PTPRD: variants seen among roughly 807,000 people sequenced by gnomAD.
The protein encoded by PTPRD is protein tyrosine phosphatase receptor type D.
A neutral mutation model predicts 214.5 loss-of-function variants in PTPRD; 34 were observed. The observed-to-expected ratio is 0.16, with a 90% CI of 0.12 to 0.21. The LOEUF is 0.21. PTPRD is among the 10% of genes least tolerant of loss of function. The pLI, the probability that PTPRD is intolerant of heterozygous loss-of-function variation, is 1.00. For synonymous variants in PTPRD, 1,128 were observed against 845.7 expected (o/e 1.33, Z -5.79); for missense variants, 2,545 against 2,398.7 (o/e 1.06, Z -1.27).
intron 8 of PTPRD, among the ~76,000 whole-genome samples, chr9:9,459,543 T>C (rs1317413343): frequency 6.6e-6 from 1 of 152,100 alleles, no homozygotes; most frequent in African/African-American, 2.4e-5. Flanking sequence ...ATCAATTCCA[T>C]TTCTGTACAT....
At position 8,749,289 on chromosome 9, in the gene PTPRD, T is replaced by A. The variant is rs116704725; in HGVS notation, c.-103-15343A>T. 2.9e-3 allele frequency among the ~76,000 whole-genome samples: 447 copies of A among 152,242 alleles called. 2 individuals are homozygous for A. The highest frequency in any genetic ancestry group is 9.7e-3 in the African/African-American group (403 of 41,560). On this transcript the variant is annotated intron_variant, in intron 11 of 45. Coordinates refer to ENST00000381196, the MANE Select transcript of PTPRD (RefSeq NM_002839.4). ...TTCCGCCTCCGGGTTCAAGCAATTCTACATTCTCGTGTCTCATCTCCCTGA... is the reference window on the plus strand; with the variant it reads ...TTCCGCCTCCGGGTTCAAGCAATTCAACATTCTCGTGTCTCATCTCCCTGA...
intron 9 of PTPRD, among the ~76,000 whole-genome samples, chr9:9,268,015 A>C (rs1292221300): frequency 6.6e-6 from 1 of 151,180 alleles, no homozygotes; most frequent in East Asian, 2.0e-4. Flanking sequence ...ATAAAACTGG[A>C]AGTTCTTGCC....
chr9:8,347,518 C>T (rs947751110), intron 39 of PTPRD, among the ~76,000 whole-genome samples: 4 of 152,062 alleles, frequency 2.6e-5, no homozygotes, highest in East Asian at 1.9e-4. Flanking sequence ...TCTCAAGCGG[C>T]GCTGTGAGGC....
At chr9:8,441,719 A>G (rs1407763385) in intron 34 of PTPRD, among the ~76,000 whole-genome samples, 1 of 152,088 alleles carries the variant, frequency 6.6e-6, no homozygotes, top group South Asian at 2.1e-4. Flanking sequence ...CTATGGGTTC[A>G]TCTACCTCCC....
intron 8 of PTPRD, among the ~76,000 whole-genome samples, chr9:9,531,649 G>T (rs906723433): frequency 6.4e-4 from 97 of 152,024 alleles, no homozygotes; most frequent in African/African-American, 2.3e-3. Context: ...GTTATATTTT[G>T]TTTATCAATT....
intron 8 of PTPRD, among the ~76,000 whole-genome samples, chr9:9,427,058 A>G (rs112249518): frequency 1.3e-5 from 2 of 152,342 alleles, no homozygotes; most frequent in African/African-American, 4.8e-5. Context: ...TGAACGGAGA[A>G]TGACTGACAA....
intron 36 of PTPRD, among the ~76,000 whole-genome samples, chr9:8,396,783 C>G (rs982293720): frequency 2.0e-5 from 3 of 152,134 alleles, no homozygotes; most frequent in African/African-American, 7.2e-5. Context: ...TTACACAGCT[C>G]TAATTAGACA....
intron 9 of PTPRD, among the ~76,000 whole-genome samples, chr9:9,239,332 G>C (rs1181208593): frequency 6.6e-6 from 1 of 152,072 alleles, no homozygotes; most frequent in Admixed American, 6.6e-5. Context: ...TATAAAAGTA[G>C]GAATGTCTTC....
chr9:8,820,131 TTCTA>T (rs1226750829), intron 11 of PTPRD, among the ~76,000 whole-genome samples: 1 of 152,130 alleles, frequency 6.6e-6, no homozygotes, highest in Non-Finnish European at 1.5e-5. Context: ...TGCTAACACT[TTCTA>T]TATATACATA....
intron 3 of PTPRD, among the ~76,000 whole-genome samples, chr9:10,227,513 C>A (rs940244651): frequency 6.6e-6 from 1 of 151,902 alleles, no homozygotes; most frequent in African/African-American, 2.4e-5. Context: ...CAAGGTTTGG[C>A]TCAAAAATCA....
At chr9:8,908,316 G>T (rs568362069) in intron 11 of PTPRD, among the ~76,000 whole-genome samples, 1 of 152,224 alleles carries the variant, frequency 6.6e-6, no homozygotes, top group East Asian at 1.9e-4. Flanking sequence ...CAGGCTGAAA[G>T]AAAATGACAT....
At chr9:10,100,674 A>G (rs1297843142) in intron 3 of PTPRD, among the ~76,000 whole-genome samples, 2 of 151,678 alleles carry the variant, frequency 1.3e-5, no homozygotes, top group Non-Finnish European at 3.0e-5. Context: ...AAATATATAC[A>G]TGTTGGAGCG....
rs572417853 is a variant in PTPRD at position 9,583,319 on chromosome 9, T to C, written c.-286-8538A>G. ...TCCTTATGTTTAATATTTTGACTCTTAGGCATTACTACTCAGAAAAATGCC... is the reference window on the plus strand; with the variant it reads ...TCCTTATGTTTAATATTTTGACTCTCAGGCATTACTACTCAGAAAAATGCC... On this transcript the variant is annotated intron_variant, in intron 7 of 45. Transcript: ENST00000381196. 1.1e-4 allele frequency among the ~76,000 whole-genome samples: 16 copies of C among 152,162 alleles called. No homozygotes were observed. The South Asian group carries it at 3.1e-3, about 30-fold the overall frequency.
At chr9:8,794,009 CT>C (rs2096324885) in intron 11 of PTPRD, among the ~76,000 whole-genome samples, 1 of 152,162 alleles carries the variant, frequency 6.6e-6, no homozygotes, top group Admixed American at 6.5e-5. Context: ...ATATAGAGTA[CT>C]AGGAAACTAA....
chr9:8,934,167 T>C (rs773051939), intron 11 of PTPRD, among the ~76,000 whole-genome samples: 39 of 151,474 alleles, frequency 2.6e-4, no homozygotes, highest in African/African-American at 8.5e-4. Context: ...TAAACACTTG[T>C]TGATTGAGAA....
chr9:9,185,604 T>C (rs1477211001), intron 9 of PTPRD, among the ~76,000 whole-genome samples: 1 of 152,090 alleles, frequency 6.6e-6, no homozygotes, highest in Non-Finnish European at 1.5e-5. Flanking sequence ...TTCTGAGGAA[T>C]GAAGAGGAAA....
At position 10,020,457 on chromosome 9, in the gene PTPRD, C is replaced by G. The variant is rs527833085; in HGVS notation, c.-472+13261G>C. Among the ~76,000 whole-genome samples, 4 of 105,930 alleles carry G rather than the reference C, an allele frequency of 3.8e-5. No homozygotes were observed. The Admixed American group carries it at 4.1e-4, about 11-fold the overall frequency. 69.5% of individuals were successfully genotyped at this position (105,930 alleles called of 152,430 possible). A position where few individuals can be genotyped will look rare whatever the true frequency, so the allele number is the denominator to read the frequency against. On this transcript the variant is annotated intron_variant, in intron 4 of 45. Transcript: ENST00000381196. ...GCTGGGACTACAGGTGTGCCGCCATCACACCCAGCTAATTTTTGTTTTTTT... is the reference window on the plus strand; with the variant it reads ...GCTGGGACTACAGGTGTGCCGCCATGACACCCAGCTAATTTTTGTTTTTTT...
chr9:9,349,174 C>G (rs1427861329), intron 9 of PTPRD, among the ~76,000 whole-genome samples: 1 of 152,052 alleles, frequency 6.6e-6, no homozygotes, highest in Non-Finnish European at 1.5e-5. Context: ...CATATCACTT[C>G]TCTGCTTACA....
chr9:10,292,791 T>A (rs1468269194), intron 3 of PTPRD, among the ~76,000 whole-genome samples: 3 of 151,950 alleles, frequency 2.0e-5, no homozygotes, highest in Admixed American at 2.0e-4. Context: ...TCCACTATTT[T>A]ATTAAGCCCC....
Sources: gnomAD v4.1 joint callset for allele counts (sites outside exome capture counted in the v4.1 genomes callset) on GRCh38, gnomAD v4.1.1 for gene constraint, MANE v1.5 for transcripts, NCBI Gene and HGNC (gene_info 2026-07-23, HGNC 2026-07-21) for gene names.